Variants in MMP26 observed in about 807,000 individuals in gnomAD.
The protein encoded by MMP26 is matrix metallopeptidase 26, also known as matrix metalloproteinase-26.
Under a neutral mutation model 31.0 loss-of-function variants are expected in MMP26, and 33 were observed. That is an observed-to-expected ratio of 1.06 (90% CI 0.81 to 1.42). The LOEUF (loss-of-function observed/expected upper bound fraction) is 1.42. Among genes scored for constraint, MMP26 ranks in the 40% most tolerant of loss-of-function variants. The pLI is 0.00. For missense variants in MMP26, 347 were observed against 316.1 expected (o/e 1.10, Z -0.74); for synonymous variants, 122 against 114.9 (o/e 1.06, Z -0.40).
chr11:4,705,989 GT>G (rs112055134), intron 1 of MMP26, among the ~76,000 whole-genome samples: 4,300 of 148,488 alleles, frequency 0.029, 216 homozygotes, highest in East Asian at 0.22. Flanking sequence ...GGTGGTGGTG[GT>G]GGGGGGAGCT....
intron 2 of MMP26, chr11:4,914,509 T>C (rs532557778): frequency 5.8e-6 from 3 of 515,730 alleles, no homozygotes; most frequent in Non-Finnish European, 1.0e-5. Context: ...TGGCTATTTT[T>C]AGAAAATAAA....
In MMP26 at chr11:4,803,585, G is replaced by A. The variant is rs186758176; in HGVS notation, c.-145+36244G>A. ...ACTCGGGGCACATCATGGCCAAAGC[G>A]GTAGGTGAGGAAAGAAAAAAGGGCT... On this transcript the variant is annotated intron_variant, in intron 2 of 7. Coordinates refer to ENST00000380390, the MANE Select transcript of MMP26 (RefSeq NM_021801.5). 4.5e-5 allele frequency: 73 copies of A among 1,613,958 alleles called. No homozygotes were observed. The highest frequency in any genetic ancestry group is 1.3e-4 in the South Asian group (12 of 91,044).
At chr11:4,792,282 G>A (rs1461986598) in intron 2 of MMP26, among the ~76,000 whole-genome samples, 1 of 151,908 alleles carries the variant, frequency 6.6e-6, no homozygotes, top group Non-Finnish European at 1.5e-5. Flanking sequence ...AGCAAATAAT[G>A]ATAATTATGG....
At chr11:4,977,801 C>G (rs932458101) in intron 2 of MMP26, among the ~76,000 whole-genome samples, 2 of 152,112 alleles carry the variant, frequency 1.3e-5, no homozygotes, top group African/African-American at 4.8e-5. Flanking sequence ...CTCTCCTCTA[C>G]TATCTAGCTT....
intron 1 of MMP26, among the ~76,000 whole-genome samples, chr11:4,705,990 T>G (rs10768186): frequency 0.31 from 36,500 of 115,894 alleles, 5,880 homozygotes; most frequent in African/African-American, 0.51. Flanking sequence ...GTGGTGGTGG[T>G]GGGGGGAGCT....
At chr11:4,907,890 T>C in intron 2 of MMP26, 1 of 1,614,038 alleles carries the variant, frequency 6.2e-7, no homozygotes, top group Non-Finnish European at 8.5e-7. Context: ...AAGAATCTTC[T>C]TTCTCACTCA....
rs80139937 is a variant in MMP26, at chr11:4,883,910, T to C, written c.-144-104158T>C. 1.8e-3 allele frequency among the ~76,000 whole-genome samples: 280 copies of C among 152,202 alleles called. 10 individuals are homozygous for C. In the East Asian group the frequency reaches 0.051, roughly 28 times the overall value. On this transcript the variant is annotated intron_variant, in intron 2 of 7. Coordinates refer to ENST00000380390, the MANE Select transcript of MMP26 (RefSeq NM_021801.5). ...ACCTAGGATAACTCATGTCTGAGCA[T>C]TGTGGACCAAGCAGTTACTCTGATT...
At chr11:4,849,192 G>T (rs1849936937) in intron 2 of MMP26, 1 of 1,609,918 alleles carries the variant, frequency 6.2e-7, no homozygotes, top group Non-Finnish European at 8.5e-7. Context: ...GGCTATCTGA[G>T]TTGGTAATGT....
At chr11:4,908,528 A>T (rs1589935748) in intron 2 of MMP26, 1 of 560,324 alleles carries the variant, frequency 1.8e-6, no homozygotes. Flanking sequence ...ATTTTAAGGG[A>T]AGTTGAAGGA....
intron 2 of MMP26, chr11:4,848,871 T>C (rs561122104): frequency 1.9e-6 from 3 of 1,614,032 alleles, no homozygotes; most frequent in South Asian, 1.1e-5. Context: ...AGAAAAGACA[T>C]GGATAAAAAC....
intron 1 of MMP26, among the ~76,000 whole-genome samples, chr11:4,720,085 C>A (rs899082167): frequency 6.6e-6 from 1 of 152,172 alleles, no homozygotes; most frequent in Non-Finnish European, 1.5e-5. Context: ...GCCTCCTTGA[C>A]CTCCACATTT....
intron 2 of MMP26, among the ~76,000 whole-genome samples, chr11:4,901,185 G>A (rs562631816): frequency 7.4e-4 from 94 of 126,242 alleles, no homozygotes; most frequent in African/African-American, 2.6e-3. Flanking sequence ...TTGAGACGGA[G>A]TCTCACTCTG....
At chr11:4,788,353 C>A (rs1038037349) in intron 2 of MMP26, among the ~76,000 whole-genome samples, 1 of 151,650 alleles carries the variant, frequency 6.6e-6, no homozygotes, top group Non-Finnish European at 1.5e-5. Context: ...ACATGAGAAC[C>A]GTAGATTTGA....
chr11:4,798,377 A>C (rs1039481635), intron 2 of MMP26, among the ~76,000 whole-genome samples: 1 of 152,232 alleles, frequency 6.6e-6, no homozygotes, highest in Non-Finnish European at 1.5e-5. Flanking sequence ...GACCTCACCC[A>C]CCTTCAGCCT....
At chr11:4,796,801 C>T (rs544858120) in intron 2 of MMP26, among the ~76,000 whole-genome samples, 1 of 152,238 alleles carries the variant, frequency 6.6e-6, no homozygotes, top group Non-Finnish European at 1.5e-5. Context: ...TCCTCCTTTG[C>T]TATACCTAAG....
At chr11:4,773,127 G>T (rs890370087) in intron 2 of MMP26, among the ~76,000 whole-genome samples, 4 of 152,076 alleles carry the variant, frequency 2.6e-5, no homozygotes, top group African/African-American at 9.7e-5. Context: ...TATCTGTGAC[G>T]GTCAGATTGT....
intron 2 of MMP26, among the ~76,000 whole-genome samples, chr11:4,894,050 A>T (rs1472578896): frequency 6.6e-6 from 1 of 152,176 alleles, no homozygotes; most frequent in African/African-American, 2.4e-5. Flanking sequence ...AAGATTGCTG[A>T]TTAGTCTTTG....
chr11:4,899,634 A>T (rs1161862336), intron 2 of MMP26, among the ~76,000 whole-genome samples: 2 of 152,232 alleles, frequency 1.3e-5, no homozygotes, highest in South Asian at 4.1e-4. Context: ...GGTACTGAAC[A>T]TATTCTTCCA....
At chr11:4,911,082 C>T (rs73405086) in intron 2 of MMP26, among the ~76,000 whole-genome samples, 25 of 152,236 alleles carry the variant, frequency 1.6e-4, no homozygotes, top group African/African-American at 4.6e-4. Flanking sequence ...ACGAAACCTG[C>T]AGTCACTGCA....
Sources: gnomAD v4.1 joint callset for allele counts (sites outside exome capture counted in the v4.1 genomes callset) on GRCh38, gnomAD v4.1.1 for gene constraint, MANE v1.5 for transcripts, NCBI Gene and HGNC (gene_info 2026-07-23, HGNC 2026-07-21) for gene names.